Variants in DNAJC1 observed in about 807,000 individuals in gnomAD.
DNAJC1 encodes dnaJ homolog subfamily C member 1.
Under a neutral mutation model 76.6 loss-of-function variants are expected in DNAJC1, and 58 were observed. The observed-to-expected ratio is 0.76, with a 90% CI of 0.61 to 0.94. The LOEUF is 0.94. DNAJC1 is among the 40% of genes least tolerant of loss of function. The pLI is 0.00. For missense variants in DNAJC1, 689 were observed against 677.3 expected (o/e 1.02, Z -0.19); for synonymous variants, 258 against 267.9 (o/e 0.96, Z 0.36).
At chr10:21,863,482 T>C (rs1443265734) in intron 8 of DNAJC1, among the ~76,000 whole-genome samples, 1 of 152,046 alleles carries the variant, frequency 6.6e-6, no homozygotes, top group East Asian at 1.9e-4. Flanking sequence ...GGAGGGAACA[T>C]TTCCCAATGT....
intron 8 of DNAJC1, among the ~76,000 whole-genome samples, chr10:21,847,385 A>T (rs894611677): frequency 6.6e-6 from 1 of 152,180 alleles, no homozygotes; most frequent in Non-Finnish European, 1.5e-5. Flanking sequence ...ACATATATTA[A>T]ATCAGGGTAA....
chr10:21,921,505 T>A (rs572061052), intron 3 of DNAJC1, among the ~76,000 whole-genome samples: 3 of 152,152 alleles, frequency 2.0e-5, no homozygotes, highest in South Asian at 4.1e-4. Flanking sequence ...TAAAAGCCTA[T>A]AAAATTGAGT....
rs193106005 is a variant in DNAJC1, at chr10:22,003,134, C to T, written c.222+79G>A. The T allele has an allele frequency of 1.8e-4, 253 of 1,378,150 alleles. No homozygotes were observed. The African/African-American group carries it at 3.5e-3, about 19-fold the overall frequency. The allele number at this position is 1,378,150 out of a possible 1,614,324, so 85.4% of individuals were successfully genotyped here. A position where few individuals can be genotyped will look rare whatever the true frequency, so the allele number is the denominator to read the frequency against. On this transcript the variant is annotated intron_variant, in intron 1 of 11. Coordinates refer to ENST00000376980, the MANE Select transcript of DNAJC1 (RefSeq NM_022365.4). The stretch of plus-strand genomic sequence containing the variant: ...GTGACCAAGCCCTGCCCTACGTGTC[C>T]GGCTGTCTCTGAGGAACCGGGTCGC...
chr10:21,918,004 A>T (rs1836981681), intron 6 of DNAJC1, among the ~76,000 whole-genome samples: 2 of 151,994 alleles, frequency 1.3e-5, no homozygotes, highest in African/African-American at 4.8e-5. Context: ...TCTAGATTAT[A>T]AACACTTATT....
intron 9 of DNAJC1, among the ~76,000 whole-genome samples, chr10:21,784,082 C>T (rs973976691): frequency 6.6e-6 from 1 of 152,152 alleles, no homozygotes; most frequent in Non-Finnish European, 1.5e-5. Context: ...AGCTTCTGCA[C>T]AGCAAAAGAA....
chr10:21,985,373 C>G (rs1838227883), intron 1 of DNAJC1, among the ~76,000 whole-genome samples: 1 of 152,138 alleles, frequency 6.6e-6, no homozygotes. Flanking sequence ...CCTCAGCCTC[C>G]CGAGTAACTG....
intron 6 of DNAJC1, among the ~76,000 whole-genome samples, chr10:21,909,200 T>C (rs1836812967): frequency 6.6e-6 from 1 of 152,210 alleles, no homozygotes; most frequent in Non-Finnish European, 1.5e-5. Context: ...TATTTAAGAT[T>C]TCCTGAAGAG....
At chr10:21,938,873 GT>G (rs912326631) in intron 1 of DNAJC1, among the ~76,000 whole-genome samples, 1 of 151,724 alleles carries the variant, frequency 6.6e-6, no homozygotes, top group Non-Finnish European at 1.5e-5. Context: ...AACTCTTCAG[GT>G]TTTTTTTGGT....
chr10:21,933,655 A>G lies in DNAJC1; in HGVS notation c.223-4514T>C, dbSNP rs967936516. Among the ~76,000 whole-genome samples the G allele has an allele frequency of 1.3e-4, 20 of 152,332 alleles. 1 individual carries two copies. In the East Asian group the frequency reaches 3.7e-3, roughly 28 times the overall value. ...CAGTCTACTGGCAAACACTGGAACT[A>G]TATATATTATTTATTCATTTATATT... On this transcript the variant is annotated intron_variant, in intron 1 of 11. Transcript: ENST00000376980.
intron 9 of DNAJC1, among the ~76,000 whole-genome samples, chr10:21,778,086 G>A (rs1053027129): frequency 6.6e-6 from 1 of 152,166 alleles, no homozygotes; most frequent in African/African-American, 2.4e-5. Context: ...CTACTTGAGA[G>A]GCTGAAGCAT....
At chr10:21,998,921 T>C (rs990852214) in intron 1 of DNAJC1, among the ~76,000 whole-genome samples, 13 of 152,152 alleles carry the variant, frequency 8.5e-5, no homozygotes, top group East Asian at 1.9e-4. Context: ...ATGAAGAAAA[T>C]AAAAAGCTAC....
intron 9 of DNAJC1, among the ~76,000 whole-genome samples, chr10:21,787,552 T>C (rs1400177180): frequency 6.6e-6 from 1 of 151,892 alleles, no homozygotes; most frequent in Non-Finnish European, 1.5e-5. Context: ...TTAACAGAAA[T>C]AACCAAAGGA....
rs564140984 is a variant in DNAJC1, at chr10:21,784,475, T to C, written c.1099-18166A>G. ...GTGGACTGTAAACTAGATCAACCAT[T>C]GTGGAAGTCAGTGTGGTGATTCCTC... On this transcript the variant is annotated intron_variant, in intron 9 of 11. Coordinates refer to ENST00000376980, the MANE Select transcript of DNAJC1 (RefSeq NM_022365.4). 3.7e-3 allele frequency among the ~76,000 whole-genome samples: 568 copies of C among 152,314 alleles called. 2 individuals are homozygous for C. Among genetic ancestry groups the C allele is most frequent in the Non-Finnish European group, 6.1e-3 (414 of 68,016 alleles).
chr10:21,822,394 G>A (rs1017492339), intron 8 of DNAJC1, among the ~76,000 whole-genome samples: 20 of 151,986 alleles, frequency 1.3e-4, no homozygotes, highest in South Asian at 2.1e-4. Flanking sequence ...AGCTGAGATC[G>A]CGCCACTGCA....
Position 21,966,687 on chromosome 10 carries a change from C to CT in DNAJC1, c.222+36525dup, listed in dbSNP as rs111881136. On this transcript the variant is annotated intron_variant, in intron 1 of 11. Transcript: ENST00000376980. ...TTTTGCCCACCTCTTTCTTCTTCTT[C>CT]TTTTTTTTTTTTTTTGAGGTGGAGT... Among the ~76,000 whole-genome samples the CT allele has an allele frequency of 1.8e-3, 240 of 129,982 alleles. 1 individual carries two copies. The highest frequency in any genetic ancestry group is 3.8e-3 in the Middle Eastern group (1 of 260). 85.3% of individuals were successfully genotyped at this position (129,982 alleles called of 152,430 possible).
At chr10:21,880,512 T>A (rs917548763) in intron 8 of DNAJC1, among the ~76,000 whole-genome samples, 1 of 152,166 alleles carries the variant, frequency 6.6e-6, no homozygotes, top group African/African-American at 2.4e-5. Context: ...GCAGAATGGA[T>A]GTTGTGGTAT....
At chr10:21,995,244 CAT>C (rs1403186911) in intron 1 of DNAJC1, among the ~76,000 whole-genome samples, 1 of 152,150 alleles carries the variant, frequency 6.6e-6, no homozygotes, top group Non-Finnish European at 1.5e-5. Context: ...CTACCTTCCT[CAT>C]GTGTACGGAC....
chr10:21,985,248 C>CTT (rs1190568148), intron 1 of DNAJC1, among the ~76,000 whole-genome samples: 12 of 136,098 alleles, frequency 8.8e-5, no homozygotes, highest in African/African-American at 2.2e-4. Flanking sequence ...CACTACCCTG[C>CTT]TTTTTTTTTT....
At chr10:21,920,645 T>C (rs1837027143) in intron 4 of DNAJC1, 153 bp downstream of exon 4, 2 of 620,606 alleles carry the variant, frequency 3.2e-6, no homozygotes, top group Non-Finnish European at 4.8e-6. Flanking sequence ...GGGTTCTTCT[T>C]GACTTAGAAA....
Sources: allele counts gnomAD v4.1 joint callset (sites outside exome capture counted in the v4.1 genomes callset), GRCh38; gene constraint gnomAD v4.1.1; transcripts MANE v1.5; gene names NCBI Gene and HGNC (gene_info 2026-07-23, HGNC 2026-07-21).